KLHL24: variants seen among roughly 807,000 people sequenced by gnomAD.
KLHL24 encodes kelch like family member 24.
A neutral mutation model predicts 53.4 loss-of-function variants in KLHL24; 29 were observed. The ratio of observed to expected loss-of-function variants is 0.54; its 90% CI spans 0.40 to 0.74. The LOEUF (loss-of-function observed/expected upper bound fraction) is 0.74. KLHL24 is among the 30% of genes least tolerant of loss of function. KLHL24 has a pLI of 0.00. For missense variants in KLHL24, 504 were observed against 744.0 expected (o/e 0.68, Z 3.75); for synonymous variants, 222 against 253.7 (o/e 0.88, Z 1.19).
At chr3:183,665,783 T>C (rs939989707) in intron 5 of KLHL24, among the ~76,000 whole-genome samples, 3 of 152,066 alleles carry the variant, frequency 2.0e-5, no homozygotes, top group Non-Finnish European at 4.4e-5. Flanking sequence ...AAACTCACAT[T>C]TTTAAAGAAA....
Position 183,650,818 on chromosome 3 carries a change from A to C in KLHL24, c.462A>C (p.Ala154=), listed in dbSNP as rs749667338. ...SLFQISVLRD[A]CAKFLEEQLD... ...TTCAGATTAGTGTTCTCCGTGATGC[A>C]TGTGCCAAGTTCTTGGAGGAGCAAC... The change falls in exon 3 of 8, where the codon GCA becomes GCC. Residue 154 remains alanine, a synonymous_variant. Coordinates refer to ENST00000242810, the MANE Select transcript of KLHL24 (RefSeq NM_017644.3). The surrounding 1 kb of genome is among the most constrained non-coding windows in gnomAD (Gnocchi z 4.5). 1 of 1,614,088 alleles carries C rather than the reference A, an allele frequency of 6.2e-7. No homozygotes were observed. The highest frequency in any genetic ancestry group is 1.7e-5 in the Admixed American group (1 of 60,018).
At chr3:183,644,602 G>A (rs1716965768) in intron 2 of KLHL24, among the ~76,000 whole-genome samples, 1 of 152,132 alleles carries the variant, frequency 6.6e-6, no homozygotes, top group Admixed American at 6.6e-5. Context: ...TTTTTATTGG[G>A]TAAAAGTAGT....
intron 3 of KLHL24, 89 bp downstream of exon 3, chr3:183,651,365 T>C (rs1371023016): frequency 1.2e-6 from 1 of 845,890 alleles, no homozygotes; most frequent in African/African-American, 1.7e-5. Flanking sequence ...GTCATTTATA[T>C]GCACTGTCTA....
At chr3:183,668,750 A>C (rs1354459841) in intron 5 of KLHL24, among the ~76,000 whole-genome samples, 1 of 152,124 alleles carries the variant, frequency 6.6e-6, no homozygotes, top group Non-Finnish European at 1.5e-5. Context: ...ACAAAAATAC[A>C]AAAAATTAGC....
chr3:183,656,172 G>A (rs911598307), intron 3 of KLHL24, among the ~76,000 whole-genome samples: 1 of 150,820 alleles, frequency 6.6e-6, no homozygotes, highest in Non-Finnish European at 1.5e-5. Context: ...AAGTAGCTGG[G>A]ACTACAGGTG....
At chr3:183,657,073 T>C (rs1719013020) in intron 3 of KLHL24, among the ~76,000 whole-genome samples, 1 of 150,102 alleles carries the variant, frequency 6.7e-6, no homozygotes, top group African/African-American at 2.5e-5. Flanking sequence ...GGTAGTGTGG[T>C]TCTGATGCTG....
intron 3 of KLHL24, among the ~76,000 whole-genome samples, chr3:183,658,237 A>G (rs1169408275): frequency 6.7e-6 from 1 of 150,140 alleles, no homozygotes; most frequent in Non-Finnish European, 1.5e-5. Context: ...AATTCTTTGC[A>G]TAGTTGTAGA....
chr3:183,636,579 C>T (rs974721594), intron 1 of KLHL24: 1 of 152,288 alleles, frequency 6.6e-6, no homozygotes, highest in Admixed American at 6.5e-5. Context: ...ATGGACCCGC[C>T]CTCAAGTTCT....
intron 5 of KLHL24, among the ~76,000 whole-genome samples, chr3:183,666,436 A>G (rs1411019400): frequency 1.3e-5 from 2 of 151,714 alleles, no homozygotes; most frequent in Non-Finnish European, 2.9e-5. Context: ...CTAATTTTGT[A>G]TTTTTTGTAG....
intron 1 of KLHL24, among the ~76,000 whole-genome samples, chr3:183,642,277 G>A (rs1716557312): frequency 6.6e-6 from 1 of 152,116 alleles, no homozygotes; most frequent in Admixed American, 6.6e-5. Flanking sequence ...ATTTGCCCTA[G>A]TTGCAATATT....
At chr3:183,647,839 C>G (rs1252700879) in intron 2 of KLHL24, among the ~76,000 whole-genome samples, 10 of 131,664 alleles carry the variant, frequency 7.6e-5, no homozygotes, top group African/African-American at 3.2e-4. Context: ...CCTGTCTCTA[C>G]TAAAAAAAGT....
At position 183,684,180 on chromosome 3, in the gene KLHL24, AC is replaced by A. The variant is rs1404608265; in HGVS notation, c.*4898del. 6.6e-6 allele frequency: 1 copy of A among 151,502 alleles called. No individual in the cohort carries two copies. The highest frequency in any genetic ancestry group is 1.5e-5 in the Non-Finnish European group (1 of 67,886). The allele number at this position is 151,502 out of a possible 1,614,324, so 9.4% of individuals were successfully genotyped here. A position where few individuals can be genotyped will look rare whatever the true frequency, so the allele number is the denominator to read the frequency against. On this transcript the variant is annotated 3_prime_UTR_variant, in exon 8 of 8. Transcript: ENST00000242810. Reference sequence around the variant, plus strand: ...AGCACTTACTCTCCCCTTCCCTATCACCCCTCCCCCAAGGTTTCTTTATTTA... The same window carrying A: ...AGCACTTACTCTCCCCTTCCCTATCACCCTCCCCCAAGGTTTCTTTATTTA...
chr3:183,651,680 C>A (rs1450784878), intron 3 of KLHL24, among the ~76,000 whole-genome samples: 2 of 152,180 alleles, frequency 1.3e-5, no homozygotes, highest in Admixed American at 1.3e-4. Flanking sequence ...TGCTCCTGGG[C>A]ACAGGGGCTC....
intron 1 of KLHL24, among the ~76,000 whole-genome samples, chr3:183,639,687 T>C (rs1208528607): frequency 7.1e-6 from 1 of 140,132 alleles, no homozygotes; most frequent in African/African-American, 2.8e-5. Context: ...AGCTCCTTGC[T>C]GGCATCCTTG....
chr3:183,635,643 C>G lies in KLHL24; in HGVS notation c.-275C>G, dbSNP rs1357731509. ...CCTTTGTTGTGAGCTGCGGCAGAGA[C>G]TGGTGGCTGGAGGAGACGCCGGCGC... On this transcript the variant is annotated 5_prime_UTR_variant, in exon 1 of 8. Transcript: ENST00000242810. 1.3e-5 allele frequency: 2 copies of G among 152,610 alleles called. No individual in the cohort carries two copies. The highest frequency in any genetic ancestry group is 1.3e-4 in the Admixed American group (2 of 15,290). 9.5% of individuals were successfully genotyped at this position (152,610 alleles called of 1,614,324 possible). A position where few individuals can be genotyped will look rare whatever the true frequency, so the allele number is the denominator to read the frequency against.
intron 4 of KLHL24, chr3:183,664,002 G>A (rs549649124): frequency 1.3e-5 from 2 of 152,808 alleles, no homozygotes; most frequent in African/African-American, 4.8e-5. Flanking sequence ...TGAGGCAGGA[G>A]AATCACTTGA....
At chr3:183,675,399 G>A (rs1008911699) in intron 7 of KLHL24, among the ~76,000 whole-genome samples, 5 of 152,094 alleles carry the variant, frequency 3.3e-5, no homozygotes, top group African/African-American at 4.8e-5. Context: ...TACAGAATGA[G>A]TATTACGTTT....
At chr3:183,665,776 C>T (rs1292598232) in intron 5 of KLHL24, among the ~76,000 whole-genome samples, 1 of 151,944 alleles carries the variant, frequency 6.6e-6, no homozygotes, top group Non-Finnish European at 1.5e-5. Context: ...AATAAAAAAA[C>T]TCACATTTTT....
intron 3 of KLHL24, among the ~76,000 whole-genome samples, chr3:183,662,277 A>G (rs549241599): frequency 6.6e-6 from 1 of 152,268 alleles, no homozygotes; most frequent in Admixed American, 6.5e-5. Flanking sequence ...AGGTCTGAGT[A>G]AATGTAGCTA....
Sources: gnomAD v4.1 joint callset for allele counts (sites outside exome capture counted in the v4.1 genomes callset) on GRCh38, gnomAD v4.1.1 for gene constraint, Gnocchi (gnomAD v3.1) non-coding constraint, MANE v1.5 for transcripts, NCBI Gene and HGNC (gene_info 2026-07-23, HGNC 2026-07-21) for gene names.